EBF1: variants seen among roughly 807,000 people sequenced by gnomAD.
The protein encoded by EBF1 is transcription factor COE1.
A neutral mutation model predicts 68.4 loss-of-function variants in EBF1; 10 were observed. The ratio of observed to expected loss-of-function variants is 0.15; its 90% CI spans 0.09 to 0.25. EBF1 has a LOEUF of 0.25. EBF1 is among the 10% of genes least tolerant of loss of function. The pLI is 1.00. For missense variants in EBF1, 509 were observed against 794.4 expected (o/e 0.64, Z 4.32); for synonymous variants, 298 against 299.8 (o/e 0.99, Z 0.06).
At chr5:158,768,182 T>C (rs1773149385) in intron 10 of EBF1, among the ~76,000 whole-genome samples, 1 of 152,094 alleles carries the variant, frequency 6.6e-6, no homozygotes, top group African/African-American at 2.4e-5. Flanking sequence ...GTAGGACTTA[T>C]TGACCCTGTG....
At chr5:158,741,533 C>A (rs996002148) in intron 10 of EBF1, among the ~76,000 whole-genome samples, 1 of 150,386 alleles carries the variant, frequency 6.6e-6, no homozygotes, top group African/African-American at 2.5e-5. Context: ...CATGATTTCA[C>A]TACTGCCCTC....
At chr5:158,937,585 G>C (rs190726679) in intron 6 of EBF1, among the ~76,000 whole-genome samples, 1 of 152,236 alleles carries the variant, frequency 6.6e-6, no homozygotes, top group South Asian at 2.1e-4. Context: ...GAGCGGAATG[G>C]GATGTAATTA....
chr5:158,827,026 T>C (rs993483384), intron 7 of EBF1, among the ~76,000 whole-genome samples: 1 of 152,170 alleles, frequency 6.6e-6, no homozygotes, highest in Admixed American at 6.5e-5. Flanking sequence ...TGACTCTCAA[T>C]GGGAATAACC....
chr5:159,079,905 G>A (rs905492714), intron 5 of EBF1, among the ~76,000 whole-genome samples: 5 of 151,960 alleles, frequency 3.3e-5, no homozygotes, highest in African/African-American at 7.3e-5. Context: ...ATGAGCCACC[G>A]TACCTGACCT....
At chr5:158,811,386 G>C (rs1782633136) in intron 8 of EBF1, among the ~76,000 whole-genome samples, 1 of 152,140 alleles carries the variant, frequency 6.6e-6, no homozygotes, top group African/African-American at 2.4e-5. Context: ...CCAATGTGGA[G>C]GGGAGGTTAG....
At chr5:158,997,912 C>G (rs74778860) in intron 6 of EBF1, among the ~76,000 whole-genome samples, 1 of 152,164 alleles carries the variant, frequency 6.6e-6, no homozygotes. Flanking sequence ...TATGTGCCCC[C>G]TCAAGGAATG....
At chr5:159,087,279 T>C (rs867478224) in intron 4 of EBF1, among the ~76,000 whole-genome samples, 29 of 139,754 alleles carry the variant, frequency 2.1e-4, no homozygotes, top group East Asian at 5.9e-4. Flanking sequence ...CACACACACA[T>C]ATATATATAT....
intron 6 of EBF1, among the ~76,000 whole-genome samples, chr5:158,888,558 A>G (rs1013108646): frequency 2.6e-5 from 4 of 152,186 alleles, no homozygotes; most frequent in Non-Finnish European, 4.4e-5. Context: ...TTCTATGACT[A>G]TATCTTTTCA....
rs61380054 is a variant in EBF1 at position 158,737,266 on chromosome 5, A to ATTTTT, written c.1037-6114_1037-6110dup. Among the ~76,000 whole-genome samples, 367 of 55,656 alleles carry ATTTTT rather than the reference A, an allele frequency of 6.6e-3. 33 individuals carry two copies. Among genetic ancestry groups the ATTTTT allele is most frequent in the Non-Finnish European group, 8.2e-3 (273 of 33,108 alleles). The allele number at this position is 55,656 out of a possible 152,430, so 36.5% of individuals were successfully genotyped here. A position where few individuals can be genotyped will look rare whatever the true frequency, so the allele number is the denominator to read the frequency against. ...CCAAACTGCCTTTGAACATGCCCTGATTTTTTTTTTTTTTTTTTTTTTTTT... is the reference window on the plus strand; with the variant it reads ...CCAAACTGCCTTTGAACATGCCCTGATTTTTTTTTTTTTTTTTTTTTTTTTTTTTT... On this transcript the variant is annotated intron_variant, in intron 10 of 15. Coordinates refer to ENST00000313708, the MANE Select transcript of EBF1 (RefSeq NM_024007.5).
At chr5:158,813,795 T>A in intron 8 of EBF1, among the ~76,000 whole-genome samples, 1 of 152,098 alleles carries the variant, frequency 6.6e-6, no homozygotes, top group Admixed American at 6.5e-5. Context: ...TAACTGAAAA[T>A]GGTCAAACAA....
chr5:158,838,898 C>A (rs2901126), intron 7 of EBF1, among the ~76,000 whole-genome samples: 112,895 of 151,420 alleles, frequency 0.75, 42,310 homozygotes, highest in South Asian at 0.88. Flanking sequence ...CTTAGCCATT[C>A]GGTGGAGAGC....
intron 5 of EBF1, among the ~76,000 whole-genome samples, chr5:159,075,989 G>A (rs953035305): frequency 6.6e-6 from 1 of 150,576 alleles, no homozygotes; most frequent in Non-Finnish European, 1.5e-5. Context: ...CCCCAGAGAG[G>A]TTTGGCCTGA....
chr5:158,977,385 TA>T (rs1756981553), intron 6 of EBF1, among the ~76,000 whole-genome samples: 1 of 152,252 alleles, frequency 6.6e-6, no homozygotes, highest in Admixed American at 6.5e-5. Flanking sequence ...AAAGTACACG[TA>T]AAGGGTTTCT....
chr5:158,840,688 T>C (rs1480786546), intron 6 of EBF1, among the ~76,000 whole-genome samples: 1 of 127,822 alleles, frequency 7.8e-6, no homozygotes, highest in African/African-American at 3.0e-5. Context: ...TTTTTTTTTT[T>C]TGAGACGGAG....
chr5:158,841,763 C>T (rs1176470609), intron 6 of EBF1, among the ~76,000 whole-genome samples: 1 of 152,190 alleles, frequency 6.6e-6, no homozygotes, highest in African/African-American at 2.4e-5. Flanking sequence ...CCCTCTGCTC[C>T]TTGGTCTCTT....
chr5:159,081,528 C>G lies in EBF1; in HGVS notation c.485+3138G>C, dbSNP rs1056193603. On this transcript the variant is annotated intron_variant, in intron 5 of 15. Coordinates refer to ENST00000313708, the MANE Select transcript of EBF1 (RefSeq NM_024007.5). ...TTTACAGGACAACGTAACAATAGGA[C>G]TTGACTCAGGCTGAGAGCCAGGGAT... Among the ~76,000 whole-genome samples the G allele has an allele frequency of 1.3e-4, 20 of 152,288 alleles. No individual in the cohort carries two copies. In the South Asian group the frequency reaches 4.1e-3, roughly 32 times the overall value.
chr5:158,910,708 T>C (rs1393574327), intron 6 of EBF1, among the ~76,000 whole-genome samples: 1 of 152,254 alleles, frequency 6.6e-6, no homozygotes, highest in Non-Finnish European at 1.5e-5. Flanking sequence ...ATAGGTTTTA[T>C]GGTTTATGGA....
intron 2 of EBF1, 38 bp from the exon 3 acceptor site, chr5:159,096,444 GGA>G: frequency 6.2e-7 from 1 of 1,607,200 alleles, no homozygotes. Flanking sequence ...AAGAGATGCA[GGA>G]GAGAGGTCTG....
intron 6 of EBF1, among the ~76,000 whole-genome samples, chr5:159,015,055 G>A (rs1765390952): frequency 6.6e-6 from 1 of 152,236 alleles, no homozygotes; most frequent in African/African-American, 2.4e-5. Flanking sequence ...GGTAGGGCCA[G>A]AGGCTCCCTC....
Sources: gnomAD v4.1 joint callset for allele counts (sites outside exome capture counted in the v4.1 genomes callset) on GRCh38, gnomAD v4.1.1 for gene constraint, MANE v1.5 for transcripts, NCBI Gene and HGNC (gene_info 2026-07-23, HGNC 2026-07-21) for gene names.